DTNA: variants seen among roughly 807,000 people sequenced by gnomAD.
DTNA encodes the protein dystrophin-related protein 3.
A neutral mutation model predicts 100.7 loss-of-function variants in DTNA; 43 were observed. That is an observed-to-expected ratio of 0.43 (90% CI 0.33 to 0.55). DTNA has a LOEUF of 0.55. DTNA is among the 20% of genes least tolerant of loss of function. The pLI is 0.04. For synonymous variants in DTNA, 349 were observed against 347.9 expected (o/e 1.00, Z -0.04); for missense variants, 798 against 953.9 (o/e 0.84, Z 2.15).
intron 3 of DTNA, among the ~76,000 whole-genome samples, chr18:34,767,068 C>A (rs565000253): frequency 6.6e-6 from 1 of 151,924 alleles, no homozygotes; most frequent in East Asian, 1.9e-4. Context: ...TGTGTAAGAA[C>A]GTTTTCTTTT....
intron 1 of DTNA, among the ~76,000 whole-genome samples, chr18:34,653,966 A>G (rs1182616623): frequency 1.3e-5 from 2 of 152,198 alleles, no homozygotes; most frequent in African/African-American, 4.8e-5. Context: ...ATATCTATCC[A>G]AAGGGTTTTG....
intron 5 of DTNA, among the ~76,000 whole-genome samples, chr18:34,810,637 G>A (rs1163900068): frequency 6.6e-6 from 1 of 152,002 alleles, no homozygotes; most frequent in Non-Finnish European, 1.5e-5. Context: ...AGCACTGTAG[G>A]GTGACTATAG....
At chr18:34,886,130 G>A (rs1403759413) in intron 22 of DTNA, among the ~76,000 whole-genome samples, 1 of 152,106 alleles carries the variant, frequency 6.6e-6, no homozygotes, top group Non-Finnish European at 1.5e-5. Context: ...TTAATAATTT[G>A]AAAAAGGAAT....
intron 1 of DTNA, among the ~76,000 whole-genome samples, chr18:34,576,796 G>C (rs1034433850): frequency 3.9e-5 from 6 of 152,132 alleles, no homozygotes; most frequent in Non-Finnish European, 7.3e-5. Flanking sequence ...CGGGGAAAAT[G>C]AATGAGGTTG....
At chr18:34,627,049 A>T (rs1420893644) in intron 1 of DTNA, among the ~76,000 whole-genome samples, 1 of 152,164 alleles carries the variant, frequency 6.6e-6, no homozygotes, top group African/African-American at 2.4e-5. Context: ...ACCTGACAAA[A>T]ATGATAGAAC....
Position 34,851,896 on chromosome 18 carries a change from G to A in DTNA, c.1500G>A (p.Arg500=). 6.2e-7 allele frequency: 1 copy of A among 1,613,968 alleles called. No individual in the cohort carries two copies. Among genetic ancestry groups the A allele is most frequent in the Non-Finnish European group, 8.5e-7 (1 of 1,179,900 alleles). The change falls in exon 15 of 23, where the codon AGG becomes AGA. Residue 500 remains arginine, a synonymous_variant. Coordinates refer to ENST00000444659, the MANE Select transcript of DTNA (RefSeq NM_001386795.1). The stretch of plus-strand genomic sequence containing the variant: ...CCATCGATGCGAATAAGCAGCAAAG[G>A]CAGCTGATTGCTGAGCTAGAAAACA... The part of the protein sequence containing the change: ...SFTIDANKQQ[R]QLIAELENKN...
chr18:34,573,224 A>G (rs1173313451), intron 1 of DTNA, among the ~76,000 whole-genome samples: 1 of 152,226 alleles, frequency 6.6e-6, no homozygotes, highest in African/African-American at 2.4e-5. Flanking sequence ...CTAAGTAGCC[A>G]AAGTTTTGTA....
At chr18:34,573,500 T>C (rs1205190379) in intron 1 of DTNA, among the ~76,000 whole-genome samples, 1 of 152,228 alleles carries the variant, frequency 6.6e-6, no homozygotes. Flanking sequence ...GTTGTCATAC[T>C]CTATATGCTA....
intron 9 of DTNA, among the ~76,000 whole-genome samples, chr18:34,824,552 C>T (rs1029838340): frequency 2.0e-5 from 3 of 151,922 alleles, no homozygotes; most frequent in Non-Finnish European, 4.4e-5. Flanking sequence ...TGCACATGTA[C>T]CCCAGAACTT....
chr18:34,602,860 G>A (rs778018467), intron 1 of DTNA, among the ~76,000 whole-genome samples: 2 of 151,606 alleles, frequency 1.3e-5, no homozygotes, highest in South Asian at 4.2e-4. Flanking sequence ...AAAATCAGCC[G>A]GGCGTGGTGG....
intron 1 of DTNA, among the ~76,000 whole-genome samples, chr18:34,509,169 G>T (rs1364972914): frequency 1.3e-5 from 2 of 152,074 alleles, no homozygotes; most frequent in South Asian, 2.1e-4. Context: ...TACCATTTGG[G>T]CAGGTTGGAG....
intron 1 of DTNA, among the ~76,000 whole-genome samples, chr18:34,510,239 AT>A (rs770421051): frequency 1.1e-4 from 16 of 149,998 alleles, no homozygotes; most frequent in African/African-American, 2.0e-4. Context: ...TGCCAATTAG[AT>A]TTTTTTTCCT....
At chr18:34,529,766 A>G (rs1290819347) in intron 1 of DTNA, among the ~76,000 whole-genome samples, 1 of 152,138 alleles carries the variant, frequency 6.6e-6, no homozygotes, top group Non-Finnish European at 1.5e-5. Context: ...GCATGTTAGT[A>G]AAAACAACTT....
intron 1 of DTNA, among the ~76,000 whole-genome samples, chr18:34,746,201 A>G (rs2091553261): frequency 6.6e-6 from 1 of 151,604 alleles, no homozygotes. Context: ...GGGACTTTTT[A>G]ATTATTTGGG....
intron 17 of DTNA, chr18:34,866,009 A>G: frequency 7.6e-7 from 1 of 1,311,078 alleles, no homozygotes; most frequent in Non-Finnish European, 1.1e-6. Flanking sequence ...CTGCCGTCAA[A>G]GGTGTGTTGA....
rs535528865 is a variant in DTNA at position 34,796,531 on chromosome 18, T to G, written c.362+2281T>G. Among the ~76,000 whole-genome samples the G allele has an allele frequency of 1.2e-4, 18 of 152,334 alleles. No individual in the cohort carries two copies. The South Asian group carries it at 3.7e-3, about 32-fold the overall frequency. On this transcript the variant is annotated intron_variant, in intron 4 of 22. Coordinates refer to ENST00000444659, the MANE Select transcript of DTNA (RefSeq NM_001386795.1). The stretch of plus-strand genomic sequence containing the variant: ...TCCTGATACTACTAAAAGAAAGATG[T>G]GCTGTTGCTATTACAGAATCACTGA...
At chr18:34,529,426 C>CA (rs1349283420) in intron 1 of DTNA, among the ~76,000 whole-genome samples, 1 of 151,940 alleles carries the variant, frequency 6.6e-6, no homozygotes. Context: ...CAAAAGAACA[C>CA]AAAAATATAT....
intron 1 of DTNA, among the ~76,000 whole-genome samples, chr18:34,560,291 A>T (rs2046519090): frequency 6.6e-6 from 1 of 152,222 alleles, no homozygotes; most frequent in Non-Finnish European, 1.5e-5. Context: ...TATGTACCAT[A>T]ATGCCAGGAA....
At chr18:34,849,914 G>A (rs2096451285) in intron 14 of DTNA, among the ~76,000 whole-genome samples, 1 of 152,158 alleles carries the variant, frequency 6.6e-6, no homozygotes, top group African/African-American at 2.4e-5. Flanking sequence ...AGTGATCCCT[G>A]GCAGACTGCT....
Sources: gnomAD v4.1 joint callset for allele counts (sites outside exome capture counted in the v4.1 genomes callset) on GRCh38, gnomAD v4.1.1 for gene constraint, MANE v1.5 for transcripts, NCBI Gene and HGNC (gene_info 2026-07-23, HGNC 2026-07-21) for gene names.